HNRNPH1: variants seen among roughly 807,000 people sequenced by gnomAD.
HNRNPH1 encodes heterogeneous nuclear ribonucleoprotein H.
A neutral mutation model predicts 58.6 loss-of-function variants in HNRNPH1; 4 were observed. The observed-to-expected ratio is 0.07, with a 90% CI of 0.03 to 0.16. The LOEUF is 0.16. Among genes scored for constraint, HNRNPH1 ranks in the 10% least tolerant of loss-of-function variants. The pLI, the probability that HNRNPH1 is intolerant of heterozygous loss-of-function variation, is 1.00. For synonymous variants in HNRNPH1, 192 were observed against 189.2 expected (o/e 1.01, Z -0.12); for missense variants, 271 against 564.2 (o/e 0.48, Z 5.26).
chr5:179,618,856 T>A (rs891205013), intron 4 of HNRNPH1: 2 of 159,326 alleles, frequency 1.3e-5, no homozygotes, highest in Non-Finnish European at 2.7e-5. Context: ...TGCTTATTAA[T>A]ACTATGCAGA....
In HNRNPH1 at chr5:179,620,767, A is replaced by T. The variant is rs528677343; in HGVS notation, c.397+125T>A. On this transcript the variant is annotated intron_variant, in intron 3 of 12. Transcript: ENST00000356731. ...TTATTTGAAGGTCTCTAGGAAGAAA[A>T]CATTAATTCATTGGCAATTTACAAC... 39 of 763,802 alleles carry T rather than the reference A, an allele frequency of 5.1e-5. No individual in the cohort carries two copies. The African/African-American group carries it at 5.3e-4, about 10-fold the overall frequency. 47.3% of individuals were successfully genotyped at this position (763,802 alleles called of 1,614,324 possible).
chr5:179,632,710 G>A (rs1429448433), intron 2 of HNRNPH1, among the ~76,000 whole-genome samples: 1 of 150,954 alleles, frequency 6.6e-6, no homozygotes, highest in Non-Finnish European at 1.5e-5. Flanking sequence ...AACCTCCCAA[G>A]GCTTCAGCCA....
At chr5:179,630,941 A>C (rs1774778829) in intron 2 of HNRNPH1, among the ~76,000 whole-genome samples, 1 of 152,238 alleles carries the variant, frequency 6.6e-6, no homozygotes, top group South Asian at 2.1e-4. Flanking sequence ...CAGCTCAAAA[A>C]AAAAACAAAA....
In HNRNPH1 at chr5:179,632,025, G is replaced by A. The variant is rs548464272; in HGVS notation, c.-32+2040C>T. ...CGGAGACTTAAGAAAAGGGCGTCTC[G>A]GCCGGGCGCGGCGGCTCACGCCTGT... is the stretch of plus-strand genomic sequence containing the variant. On this transcript the variant is annotated intron_variant, in intron 2 of 4. Transcript: ENST00000521116. Among the ~76,000 whole-genome samples the A allele has an allele frequency of 4.6e-5, 7 of 152,208 alleles. No individual in the cohort carries two copies. The South Asian group carries it at 1.0e-3, about 23-fold the overall frequency.
At chr5:179,626,575 G>C (rs897532552), upstream of HNRNPH1, among the ~76,000 whole-genome samples, 1 of 151,146 alleles carries the variant, frequency 6.6e-6, no homozygotes, top group Non-Finnish European at 1.5e-5. Flanking sequence ...AAGTAGCCGG[G>C]CATGGTGTCG....
At chr5:179,632,360 G>A (rs994151063) in intron 2 of HNRNPH1, among the ~76,000 whole-genome samples, 3 of 152,158 alleles carry the variant, frequency 2.0e-5, no homozygotes, top group South Asian at 2.1e-4. Context: ...GCCCGGGTAT[G>A]GGGTAGCACC....
exon 1 of HNRNPH1, chr5:179,623,301 C>T: frequency 4.2e-6 from 2 of 473,402 alleles, no homozygotes; most frequent in East Asian, 8.0e-5. Flanking sequence ...CCAACACCTC[C>T]TCGTCCGGCG....
At chr5:179,633,997 G>C (rs1775060222) in intron 2 of HNRNPH1, 4 of 151,542 alleles carry the variant, frequency 2.6e-5, no homozygotes, top group African/African-American at 9.7e-5. Context: ...AGTCACTATG[G>C]TGCTTTCCTC....
At chr5:179,629,267 A>C (rs1774653970), upstream of HNRNPH1, 1 of 150,388 alleles carries the variant, frequency 6.6e-6, no homozygotes, top group South Asian at 2.1e-4. Flanking sequence ...ATTGCACTCC[A>C]GCCTGGGTGA....
chr5:179,621,375 A>C, exon 2 of HNRNPH1: 2 of 1,613,364 alleles, frequency 1.2e-6, no homozygotes, highest in East Asian at 2.2e-5. Context: ...GAATACCTTG[A>C]GCCCCATTTT....
intron 2 of HNRNPH1, among the ~76,000 whole-genome samples, chr5:179,633,420 C>A (rs1016787725): frequency 6.6e-6 from 1 of 151,652 alleles, no homozygotes; most frequent in South Asian, 2.1e-4. Context: ...CTCAGCCTCC[C>A]GAGTAGCTGG....
At chr5:179,619,182 TTAA>T in intron 4 of HNRNPH1, 84 bp downstream of exon 5, 2 of 1,204,368 alleles carry the variant, frequency 1.7e-6, no homozygotes, top group South Asian at 1.7e-5. Flanking sequence ...CTACAAAACA[TTAA>T]TTTCTTCTTT....
chr5:179,634,609 T>TTCTC (rs1280754842), exon 1 of HNRNPH1: 3 of 59,526 alleles, frequency 5.0e-5, no homozygotes, highest in Non-Finnish European at 1.2e-4. Flanking sequence ...GCTTCGCTTG[T>TTCTC]TCTCGCCCGA....
intron 2 of HNRNPH1, among the ~76,000 whole-genome samples, chr5:179,632,067 G>A (rs1774873990): frequency 6.6e-6 from 1 of 150,706 alleles, no homozygotes; most frequent in Admixed American, 6.6e-5. Context: ...AGCACTTTGG[G>A]AGGCCGAGGC....
chr5:179,621,531 T>TTACC (rs1772318030), intron 1 of HNRNPH1, 134 bp from the exon 3 acceptor site: 2 of 680,350 alleles, frequency 2.9e-6, no homozygotes, highest in East Asian at 2.7e-5. Flanking sequence ...GACCACGATA[T>TTACC]TACCAACTCC....
At chr5:179,622,599 C>A (rs1200809625) in intron 1 of HNRNPH1, among the ~76,000 whole-genome samples, 1 of 152,114 alleles carries the variant, frequency 6.6e-6, no homozygotes, top group Admixed American at 6.5e-5. Context: ...TAGTCCCAGA[C>A]ACTCGGGAGA....
intron 8 of HNRNPH1, 139 bp from the exon 10 acceptor site, chr5:179,617,249 G>A (rs568411815): frequency 1.2e-6 from 1 of 859,358 alleles, no homozygotes; most frequent in East Asian, 2.6e-5. Context: ...TCTCTTAGGT[G>A]ATCTACTTTA....
At position 179,631,296 on chromosome 5, in the gene HNRNPH1, A is replaced by C. The variant is rs373410115; in HGVS notation, c.-32+2769T>G. Among the ~76,000 whole-genome samples, 49 of 152,170 alleles carry C rather than the reference A, an allele frequency of 3.2e-4. 3 individuals carry two copies. In the South Asian group the frequency reaches 4.6e-3, roughly 14 times the overall value. ...TCTAGAAAGGATCTTTAAGATGGCG[A>C]TCATGAAAAAAAAAGTTGAGAAAAA... On this transcript the variant is annotated intron_variant, in intron 2 of 4. Coordinates refer to the HNRNPH1 transcript ENST00000521116.
intron 12 of HNRNPH1, 172 bp downstream of exon 13, chr5:179,615,374 T>C (rs1207750013): frequency 4.0e-6 from 2 of 504,756 alleles, no homozygotes; most frequent in Non-Finnish European, 7.2e-6. Flanking sequence ...TTGCTTTTCC[T>C]ATTCATGGTG....
Sources: allele counts gnomAD v4.1 joint callset (sites outside exome capture counted in the v4.1 genomes callset), GRCh38; gene constraint gnomAD v4.1.1; transcripts MANE v1.5; gene names NCBI Gene and HGNC (gene_info 2026-07-23, HGNC 2026-07-21).